FOXN3: variants seen among roughly 807,000 people sequenced by gnomAD.
The protein encoded by FOXN3 is forkhead box protein N3.
FOXN3 carries 7 observed loss-of-function variants against 38.4 expected under a neutral mutation model. The observed-to-expected ratio is 0.18, with a 90% CI of 0.10 to 0.34. The LOEUF (loss-of-function observed/expected upper bound fraction) is 0.34, where lower values mean the gene tolerates loss of function less well. Among genes scored for constraint, FOXN3 ranks in the 10% least tolerant of loss-of-function variants. The pLI is 1.00. For missense variants in FOXN3, 456 were observed against 613.4 expected, an observed-to-expected ratio of 0.74 and a Z score of 2.71; for synonymous variants, 230 against 242.2, an observed-to-expected ratio of 0.95 and a Z score of 0.47.
At chr14:89,542,129 C>G (rs1413834327) in intron 1 of FOXN3, among the ~76,000 whole-genome samples, 1 of 152,120 alleles carries the variant, frequency 6.6e-6, no homozygotes, top group African/African-American at 2.4e-5. Flanking sequence ...AGAGGAGGAA[C>G]GCATCCACCC....
chr14:89,422,461 A>T (rs1291165943), intron 1 of FOXN3, among the ~76,000 whole-genome samples: 1 of 152,246 alleles, frequency 6.6e-6, no homozygotes, highest in Admixed American at 6.5e-5. Context: ...AGGAAGAACC[A>T]AGAGGATTTG....
chr14:89,463,203 G>A lies in FOXN3; in HGVS notation c.-14-50713C>T, dbSNP rs1892891671. 2.0e-5 allele frequency among the ~76,000 whole-genome samples: 3 copies of A among 151,584 alleles called. No homozygotes were observed. The South Asian group carries it at 6.3e-4, about 32-fold the overall frequency. ...ACTCAGGAGGCTGTGGCAGGAGAAT[G>A]GCATGAACCCGGGAGGCAGAGCCTG... On this transcript the variant is annotated intron_variant, in intron 1 of 6. Transcript: ENST00000345097.
At chr14:89,617,873 CTG>C (rs1896521662) in intron 1 of FOXN3, among the ~76,000 whole-genome samples, 1 of 152,170 alleles carries the variant, frequency 6.6e-6, no homozygotes. Context: ...TTTTGGGTGA[CTG>C]TTTTCATAAG....
chr14:89,179,929 G>A (rs1008691162), intron 5 of FOXN3, among the ~76,000 whole-genome samples: 4 of 152,252 alleles, frequency 2.6e-5, no homozygotes, highest in African/African-American at 7.2e-5. Context: ...GGACTATCAG[G>A]GTGATGCAGG....
chr14:89,465,513 C>T (rs905327858), intron 1 of FOXN3, among the ~76,000 whole-genome samples: 9 of 152,324 alleles, frequency 5.9e-5, no homozygotes, highest in South Asian at 2.1e-4. Context: ...TGAGCCACCG[C>T]GCCTAGCTTG....
chr14:89,555,236 C>T (rs1356376348), intron 1 of FOXN3, among the ~76,000 whole-genome samples: 1 of 152,152 alleles, frequency 6.6e-6, no homozygotes, highest in Non-Finnish European at 1.5e-5. Context: ...AGTGCAAGTA[C>T]ATCTGTAGGA....
intron 1 of FOXN3, among the ~76,000 whole-genome samples, chr14:89,559,174 G>T (rs974204429): frequency 6.7e-6 from 1 of 148,600 alleles, no homozygotes; most frequent in African/African-American, 2.5e-5. Context: ...AGACCAGCCT[G>T]GGCAATATAG....
chr14:89,450,817 T>C (rs956826990), intron 1 of FOXN3, among the ~76,000 whole-genome samples: 1 of 152,090 alleles, frequency 6.6e-6, no homozygotes, highest in African/African-American at 2.4e-5. Flanking sequence ...GATCTCCTGA[T>C]CTGGTGATCC....
At chr14:89,368,353 G>A (rs1034610805) in intron 2 of FOXN3, among the ~76,000 whole-genome samples, 4 of 148,560 alleles carry the variant, frequency 2.7e-5, no homozygotes, top group African/African-American at 4.9e-5. Flanking sequence ...AAAGAACACC[G>A]AATCCCTGGC....
chr14:89,366,240 G>C (rs1375760004), intron 2 of FOXN3, among the ~76,000 whole-genome samples: 3 of 147,452 alleles, frequency 2.0e-5, no homozygotes, highest in African/African-American at 7.5e-5. Flanking sequence ...GCGACAGAGC[G>C]AGACTCCGTC....
intron 4 of FOXN3, among the ~76,000 whole-genome samples, chr14:89,241,735 C>G (rs922279866): frequency 3.9e-5 from 6 of 152,192 alleles, no homozygotes; most frequent in Non-Finnish European, 8.8e-5. Context: ...TGTCAAGGCT[C>G]TGGGATACAG....
At chr14:89,311,094 G>A (rs1271938313) in intron 3 of FOXN3, among the ~76,000 whole-genome samples, 6 of 112,064 alleles carry the variant, frequency 5.4e-5, no homozygotes, top group African/African-American at 1.8e-4. Context: ...CAACAATCGC[G>A]AAACTCCGTC....
At chr14:89,371,918 G>A (rs888184629) in intron 2 of FOXN3, among the ~76,000 whole-genome samples, 1 of 151,966 alleles carries the variant, frequency 6.6e-6, no homozygotes, top group South Asian at 2.1e-4. Flanking sequence ...CAGGTCCCGG[G>A]GGGATGGAAG....
chr14:89,344,565 A>G (rs1016191693), intron 3 of FOXN3, among the ~76,000 whole-genome samples: 2 of 152,200 alleles, frequency 1.3e-5, no homozygotes, highest in Non-Finnish European at 2.9e-5. Context: ...AGACCCATAT[A>G]TATGTCACTC....
At position 89,433,141 on chromosome 14, in the gene FOXN3, G is replaced by A. The variant is rs1202514789; in HGVS notation, c.-14-20651C>T. On this transcript the variant is annotated intron_variant, in intron 1 of 6. Transcript: ENST00000345097. ...AGGCGGGGTGAGTCACCTGAGGTCA[G>A]GAGTTTGAGACCAGCCTGGCCAACA... Among the ~76,000 whole-genome samples the A allele has an allele frequency of 3.3e-5, 5 of 152,118 alleles. No homozygotes were observed. The South Asian group carries it at 1.0e-3, about 31-fold the overall frequency.
At chr14:89,490,496 TG>T (rs1162777977) in intron 1 of FOXN3, among the ~76,000 whole-genome samples, 1 of 152,328 alleles carries the variant, frequency 6.6e-6, no homozygotes, top group East Asian at 1.9e-4. Context: ...TCCACACACC[TG>T]GGGCGCTAAC....
intron 1 of FOXN3, among the ~76,000 whole-genome samples, chr14:89,572,848 C>T (rs1895521700): frequency 6.6e-6 from 1 of 152,214 alleles, no homozygotes; most frequent in African/African-American, 2.4e-5. Context: ...CTGAAAAAGC[C>T]TCGGGGCCCC....
intron 4 of FOXN3, among the ~76,000 whole-genome samples, chr14:89,191,973 T>TATATATATATATAGATATATATATAAAA: frequency 7.4e-6 from 1 of 135,192 alleles, no homozygotes; most frequent in African/African-American, 3.2e-5. Flanking sequence ...CACATATATA[T>TATATATATATATAGATATATATATAAAA]AACTATAATA....
At chr14:89,420,791 C>A (rs1028554614), upstream of FOXN3, among the ~76,000 whole-genome samples, 7 of 151,150 alleles carry the variant, frequency 4.6e-5, no homozygotes, top group African/African-American at 1.7e-4. Flanking sequence ...CCTTGAATAG[C>A]AGGGTGAGCA....
Sources: gnomAD v4.1 joint callset for allele counts (sites outside exome capture counted in the v4.1 genomes callset) on GRCh38, gnomAD v4.1.1 for gene constraint, MANE v1.5 for transcripts, NCBI Gene and HGNC (gene_info 2026-07-23, HGNC 2026-07-21) for gene names.